Variants in PSTPIP2 observed in about 807,000 individuals in gnomAD.
The protein encoded by PSTPIP2 is proline-serine-threonine phosphatase interacting protein 2, also known as proline-serine-threonine phosphatase-interacting protein 2.
Under a neutral mutation model 63.3 loss-of-function variants are expected in PSTPIP2, and 33 were observed. The ratio of observed to expected loss-of-function variants is 0.52; its 90% CI spans 0.40 to 0.70. PSTPIP2 has a LOEUF of 0.70. Ranked by LOEUF, PSTPIP2 falls within the 30% of genes least tolerant of loss-of-function variation. The pLI is 0.00. For missense variants in PSTPIP2, 312 were observed against 400.7 expected, an observed-to-expected ratio of 0.78 and a Z score of 1.89; for synonymous variants, 125 against 132.7, an observed-to-expected ratio of 0.94 and a Z score of 0.40.
At chr18:46,029,825 G>A in intron 2 of PSTPIP2, 1 of 448,938 alleles carries the variant, frequency 2.2e-6, no homozygotes. Flanking sequence ...AATGAAAAGG[G>A]CAAGGCCGGC....
intron 1 of PSTPIP2, among the ~76,000 whole-genome samples, chr18:46,051,814 T>C (rs1908592407): frequency 6.6e-6 from 1 of 152,246 alleles, no homozygotes; most frequent in Non-Finnish European, 1.5e-5. Context: ...ATGTTCAGAC[T>C]TTTCCAGTTA....
In PSTPIP2 at chr18:46,047,452, A is replaced by C. The variant is rs1020288698; in HGVS notation, c.34-7405T>G. Among the ~76,000 whole-genome samples the C allele has an allele frequency of 7.2e-5, 11 of 152,234 alleles. No individual in the cohort carries two copies. The East Asian group carries it at 2.1e-3, about 29-fold the overall frequency. On this transcript the variant is annotated intron_variant, in intron 1 of 14. Coordinates refer to ENST00000409746, the MANE Select transcript of PSTPIP2 (RefSeq NM_024430.4). Reference sequence around the variant, plus strand: ...GCCAGGCATGGTGGCACGCGCCTGCAGTACTCAGGAGTGCTGTAGCCTGTA... The same window carrying C: ...GCCAGGCATGGTGGCACGCGCCTGCCGTACTCAGGAGTGCTGTAGCCTGTA...
intron 3 of PSTPIP2, among the ~76,000 whole-genome samples, chr18:46,017,047 T>C (rs1219083998): frequency 6.6e-6 from 1 of 152,250 alleles, no homozygotes; most frequent in African/African-American, 2.4e-5. Flanking sequence ...ATTATTTTCC[T>C]TCTTTCTGAA....
At chr18:45,989,435 G>T (rs4081460) in intron 13 of PSTPIP2, among the ~76,000 whole-genome samples, 1 of 152,020 alleles carries the variant, frequency 6.6e-6, no homozygotes, top group East Asian at 1.9e-4. Flanking sequence ...TTCACCTCCC[G>T]CCATGATTCT....
chr18:46,006,531 G>T (rs1469344260), intron 5 of PSTPIP2, among the ~76,000 whole-genome samples: 1 of 151,016 alleles, frequency 6.6e-6, no homozygotes, highest in African/African-American at 2.4e-5. Flanking sequence ...CCGCCACCAC[G>T]CCCAGCTAAT....
At chr18:46,028,422 C>G (rs1907670111) in intron 2 of PSTPIP2, 2 of 543,142 alleles carry the variant, frequency 3.7e-6, no homozygotes, top group Admixed American at 2.3e-5. Flanking sequence ...AGAGACGGCT[C>G]CGGCAGCGGA....
At chr18:46,020,282 G>C (rs1460248468) in intron 3 of PSTPIP2, among the ~76,000 whole-genome samples, 1 of 152,208 alleles carries the variant, frequency 6.6e-6, no homozygotes, top group Non-Finnish European at 1.5e-5. Context: ...TTGGCCTTAA[G>C]CCCTAACAGG....
At chr18:45,993,157 C>T (rs762819178) in intron 10 of PSTPIP2, among the ~76,000 whole-genome samples, 14 of 152,276 alleles carry the variant, frequency 9.2e-5, no homozygotes, top group Non-Finnish European at 1.6e-4. Context: ...TGCAGTGGCA[C>T]GATCTTGGCT....
rs779531684 is a variant in PSTPIP2, at chr18:46,024,696, C to A, written c.135-10G>T. 2 of 1,609,512 alleles carry A rather than the reference C, an allele frequency of 1.2e-6. No individual in the cohort carries two copies. The highest frequency in any genetic ancestry group is 4.5e-5 in the East Asian group (2 of 44,856). On this transcript the variant is annotated splice_polypyrimidine_tract_variant and intron_variant, in intron 2 of 14. Coordinates refer to ENST00000409746, the MANE Select transcript of PSTPIP2 (RefSeq NM_024430.4). ...CTCTTCAATTGCTGCCCTAGGGGAA[C>A]AGAAGAGAGGGTTATGGGTCCTTCT... is the stretch of plus-strand genomic sequence containing the variant.
At chr18:46,012,582 GGC>G (rs1477675242) in intron 4 of PSTPIP2, among the ~76,000 whole-genome samples, 1 of 152,140 alleles carries the variant, frequency 6.6e-6, no homozygotes, top group Non-Finnish European at 1.5e-5. Context: ...AGACCATTCT[GGC>G]AACATGGTGA....
At chr18:45,985,863 G>A (rs766442898) in intron 14 of PSTPIP2, among the ~76,000 whole-genome samples, 4 of 150,030 alleles carry the variant, frequency 2.7e-5, no homozygotes, top group East Asian at 2.0e-4. Flanking sequence ...TGCAACCCCC[G>A]CCTCCCAAGT....
chr18:46,012,431 T>A (rs374239989), intron 4 of PSTPIP2, among the ~76,000 whole-genome samples: 2 of 152,184 alleles, frequency 1.3e-5, no homozygotes, highest in Non-Finnish European at 2.9e-5. Context: ...ATGTATAGTA[T>A]AACAGCATAA....
At chr18:46,034,144 G>A (rs1299620683) in intron 2 of PSTPIP2, among the ~76,000 whole-genome samples, 2 of 152,146 alleles carry the variant, frequency 1.3e-5, no homozygotes, top group African/African-American at 2.4e-5. Flanking sequence ...AGGGCAGGTT[G>A]ACCATGGGAC....
chr18:46,054,374 A>G (rs1908681304), intron 1 of PSTPIP2, among the ~76,000 whole-genome samples: 1 of 152,154 alleles, frequency 6.6e-6, no homozygotes, highest in African/African-American at 2.4e-5. Context: ...GAAAAAGTGG[A>G]GCACAGGGGA....
At chr18:45,989,434 C>T (rs950356615) in intron 13 of PSTPIP2, among the ~76,000 whole-genome samples, 1 of 152,168 alleles carries the variant, frequency 6.6e-6, no homozygotes, top group Non-Finnish European at 1.5e-5. Flanking sequence ...TTTCACCTCC[C>T]GCCATGATTC....
intron 2 of PSTPIP2, among the ~76,000 whole-genome samples, chr18:46,028,028 G>A (rs534458596): frequency 4.6e-5 from 7 of 152,286 alleles, no homozygotes; most frequent in Admixed American, 4.6e-4. Flanking sequence ...AGGAGTGGTG[G>A]CGCGTGCCTG....
At chr18:46,053,675 T>C (rs1446148171) in intron 1 of PSTPIP2, among the ~76,000 whole-genome samples, 1 of 152,210 alleles carries the variant, frequency 6.6e-6, no homozygotes, top group Non-Finnish European at 1.5e-5. Context: ...TGCACACAAA[T>C]GTTTATAGAA....
intron 8 of PSTPIP2, 99 bp from the exon 9 acceptor site, chr18:45,997,927 G>A (rs1486282970): frequency 1.0e-5 from 10 of 984,252 alleles, no homozygotes; most frequent in East Asian, 4.9e-5. Flanking sequence ...AAACTCATCC[G>A]AGTTGTGCTG....
chr18:45,999,471 T>C lies in PSTPIP2; in HGVS notation c.481A>G (p.Ser161Gly). ...TGCTTCGGGTTCACCAGGTTGGCAC[T>C]CCGGCTGACGGCCTGTTCTGCCTCA... ...KDEAEQAVSR[S>G]ANLVNPKQQE... is the part of the protein sequence containing the mutation. Residue 161 changes from serine to glycine, a missense_variant, in exon 7 of 15, where the codon AGT becomes GGT. Physicochemically the swap from Ser to Gly is moderately conservative, Grantham distance 56. Transcript: ENST00000409746. 6.2e-7 allele frequency: 1 copy of C among 1,614,254 alleles called. No homozygotes were observed. Among genetic ancestry groups the C allele is most frequent in the Non-Finnish European group, 8.5e-7 (1 of 1,180,050 alleles).
Sources: gnomAD v4.1 joint callset for allele counts (sites outside exome capture counted in the v4.1 genomes callset) on GRCh38, gnomAD v4.1.1 for gene constraint, MANE v1.5 for transcripts, NCBI Gene and HGNC (gene_info 2026-07-23, HGNC 2026-07-21) for gene names.